DCC: variants seen among roughly 807,000 people sequenced by gnomAD.
DCC encodes netrin receptor DCC.
A neutral mutation model predicts 172.5 loss-of-function variants in DCC; 58 were observed. That is an observed-to-expected ratio of 0.34 (90% CI 0.27 to 0.42). DCC has a LOEUF of 0.42. Ranked by LOEUF, DCC falls within the 10% of genes least tolerant of loss-of-function variation. The probability of loss-of-function intolerance (pLI) is 1.00; values close to 1 mark genes in which losing one functional copy is unlikely to be tolerated. For missense variants in DCC, 1,740 were observed against 1,791.0 expected, an observed-to-expected ratio of 0.97 and a Z score of 0.51; for synonymous variants, 709 against 644.5, an observed-to-expected ratio of 1.10 and a Z score of -1.52.
intron 7 of DCC, among the ~76,000 whole-genome samples, chr18:53,074,285 G>A (rs1190787856): frequency 1.3e-5 from 2 of 152,148 alleles, no homozygotes; most frequent in Non-Finnish European, 2.9e-5. Flanking sequence ...ACCGACCCAA[G>A]CAGGTAAATG....
chr18:53,041,110 G>GTGCCTAAGTCCTGAATGGTAT (rs74178699), intron 5 of DCC, among the ~76,000 whole-genome samples: 2 of 150,758 alleles, frequency 1.3e-5, no homozygotes, highest in African/African-American at 4.9e-5. Context: ...GTCTTTGCCC[G>GTGCCTAAGTCCTGAATGGTAT]TGCCTAGGTT....
intron 1 of DCC, among the ~76,000 whole-genome samples, chr18:52,537,484 C>G (rs2032319645): frequency 6.6e-6 from 1 of 152,116 alleles, no homozygotes; most frequent in African/African-American, 2.4e-5. Flanking sequence ...TGCCTGGAGG[C>G]AAACACATAG....
chr18:52,985,846 AC>A (rs746150642), intron 5 of DCC, among the ~76,000 whole-genome samples: 8 of 152,146 alleles, frequency 5.3e-5, no homozygotes, highest in Non-Finnish European at 1.0e-4. Flanking sequence ...AGCTTCAAGA[AC>A]CCTTTCTTCT....
rs576488224 is a variant in DCC, at chr18:52,393,806, G to T, written c.91+52928G>T. 2.0e-5 allele frequency among the ~76,000 whole-genome samples: 3 copies of T among 152,024 alleles called. No individual in the cohort carries two copies. In the South Asian group the frequency reaches 6.2e-4, roughly 32 times the overall value. On this transcript the variant is annotated intron_variant, in intron 1 of 28. Coordinates refer to ENST00000442544, the MANE Select transcript of DCC (RefSeq NM_005215.4). ...AGTTTTTAAACAATACCAATATCTGGGCTCCAACCACAGGCCAATTACCTA... is the reference window on the plus strand; with the variant it reads ...AGTTTTTAAACAATACCAATATCTGTGCTCCAACCACAGGCCAATTACCTA...
At chr18:53,512,682 G>C (rs923654250) in intron 27 of DCC, among the ~76,000 whole-genome samples, 1 of 152,020 alleles carries the variant, frequency 6.6e-6, no homozygotes, top group East Asian at 1.9e-4. Context: ...CTCAGGAGCC[G>C]ATGCAATCAA....
At chr18:53,421,115 G>A (rs1353249243) in intron 21 of DCC, among the ~76,000 whole-genome samples, 1 of 152,122 alleles carries the variant, frequency 6.6e-6, no homozygotes, top group Non-Finnish European at 1.5e-5. Context: ...AAACATGACT[G>A]CTTCTTAAAA....
At chr18:53,290,206 T>C (rs972845073) in intron 12 of DCC, among the ~76,000 whole-genome samples, 6 of 152,260 alleles carry the variant, frequency 3.9e-5, no homozygotes, top group African/African-American at 1.4e-4. Context: ...AACAATTCCA[T>C]TTACCTCATC....
chr18:53,355,584 T>C (rs183296013), intron 15 of DCC, among the ~76,000 whole-genome samples: 6 of 152,320 alleles, frequency 3.9e-5, no homozygotes, highest in African/African-American at 1.4e-4. Context: ...CTGTTATTAG[T>C]GTATAAGAAT....
At chr18:53,438,218 G>A (rs1299274301) in intron 22 of DCC, among the ~76,000 whole-genome samples, 2 of 152,136 alleles carry the variant, frequency 1.3e-5, no homozygotes, top group African/African-American at 2.4e-5. Flanking sequence ...ACTTTTTGAA[G>A]AGACATACTG....
At chr18:53,380,266 C>T (rs12607673) in intron 15 of DCC, among the ~76,000 whole-genome samples, 69,313 of 151,602 alleles carry the variant, frequency 0.46, 16,741 homozygotes, top group Non-Finnish European at 0.54. Context: ...CATTGCTCTC[C>T]AGTGGCACAG....
At chr18:53,386,678 G>A (rs1255650383) in intron 16 of DCC, among the ~76,000 whole-genome samples, 2 of 152,142 alleles carry the variant, frequency 1.3e-5, no homozygotes, top group African/African-American at 4.8e-5. Flanking sequence ...AGTGCCCAGG[G>A]CCTCAGGACC....
chr18:53,195,340 T>C (rs1568358529), intron 9 of DCC, among the ~76,000 whole-genome samples: 1 of 152,170 alleles, frequency 6.6e-6, no homozygotes, highest in Non-Finnish European at 1.5e-5. Context: ...GACAAGCATC[T>C]TGAGAAAAAT....
rs746217922 is a variant in DCC, at chr18:53,391,706, C to G, written c.2507C>G (p.Ser836Trp). The part of the protein sequence containing the change: ...YYPLLDDFPT[S>W]VPDLSTPMLP... Reference sequence around the variant, plus strand: ...CCTTTGCTTGATGATTTCCCCACCTCGGTCCCAGATCTCTCCACCCCCATG... The same window carrying G: ...CCTTTGCTTGATGATTTCCCCACCTGGGTCCCAGATCTCTCCACCCCCATG... The change falls in exon 17 of 29, where the codon TCG (serine) becomes TGG (tryptophan). Residue 836 changes from serine to tryptophan, a missense_variant. Physicochemically the swap from Ser to Trp is radical, Grantham distance 177. Coordinates refer to ENST00000442544, the MANE Select transcript of DCC (RefSeq NM_005215.4). 5.0e-6 allele frequency: 8 copies of G among 1,614,120 alleles called. No homozygotes were observed. The Admixed American group carries it at 1.3e-4, about 27-fold the overall frequency.
intron 7 of DCC, among the ~76,000 whole-genome samples, chr18:53,101,685 G>A (rs902351058): frequency 1.3e-5 from 2 of 152,012 alleles, no homozygotes; most frequent in Non-Finnish European, 2.9e-5. Context: ...CATTCTCCCA[G>A]GATGAGGATA....
chr18:53,351,365 T>TAC (rs1299440974), intron 15 of DCC, among the ~76,000 whole-genome samples: 1 of 74,098 alleles, frequency 1.3e-5, no homozygotes, highest in Non-Finnish European at 2.8e-5. Context: ...TATATATATA[T>TAC]ACTGTATATA....
At chr18:53,283,852 T>C (rs2056902323) in intron 12 of DCC, among the ~76,000 whole-genome samples, 1 of 152,146 alleles carries the variant, frequency 6.6e-6, no homozygotes, top group Admixed American at 6.5e-5. Flanking sequence ...AATTATAAAC[T>C]TACCTTGCTT....
intron 8 of DCC, among the ~76,000 whole-genome samples, chr18:53,163,405 T>A (rs1318942176): frequency 6.6e-6 from 1 of 152,242 alleles, no homozygotes; most frequent in Non-Finnish European, 1.5e-5. Context: ...TTTTCTGGCT[T>A]TCAACTAGAG....
chr18:52,645,718 C>G (rs183874414), intron 1 of DCC, among the ~76,000 whole-genome samples: 241 of 152,190 alleles, frequency 1.6e-3, no homozygotes, highest in African/African-American at 5.5e-3. Context: ...ATACATCTAC[C>G]ATGCAGCCCG....
Position 53,239,938 on chromosome 18 carries a change from C to T in DCC, c.1911+24341C>T, listed in dbSNP as rs141539865. 3.7e-3 allele frequency among the ~76,000 whole-genome samples: 521 copies of T among 142,402 alleles called. 2 individuals carry two copies. Among genetic ancestry groups the T allele is most frequent in the African/African-American group, 0.012 (458 of 37,932 alleles). The allele number at this position is 142,402 out of a possible 152,430, so 93.4% of individuals were successfully genotyped here. ...TTTAATCAGAACAAGGGCAGAGCAA[C>T]GAAGGCAATGCTTTTTATTTTTGTT... On this transcript the variant is annotated intron_variant, in intron 12 of 28. Transcript: ENST00000442544.
Sources: allele counts gnomAD v4.1 joint callset (sites outside exome capture counted in the v4.1 genomes callset), GRCh38; gene constraint gnomAD v4.1.1; transcripts MANE v1.5; gene names NCBI Gene and HGNC (gene_info 2026-07-23, HGNC 2026-07-21).